MOXD1: variants seen among roughly 807,000 people sequenced by gnomAD.
MOXD1 encodes monooxygenase DBH like 1.
MOXD1 carries 62 observed loss-of-function variants against 66.6 expected under a neutral mutation model. The observed-to-expected ratio is 0.93, with a 90% CI of 0.76 to 1.15. The LOEUF (loss-of-function observed/expected upper bound fraction) is 1.15. Ranked by LOEUF, MOXD1 falls within the 50% of genes most tolerant of loss-of-function variation. MOXD1 has a pLI of 0.00. For missense variants in MOXD1, 847 were observed against 754.6 expected, an observed-to-expected ratio of 1.12 and a Z score of -1.44; for synonymous variants, 303 against 281.9, an observed-to-expected ratio of 1.07 and a Z score of -0.75.
chr6:132,342,060 A>T (rs1775574624), intron 4 of MOXD1, among the ~76,000 whole-genome samples: 1 of 151,950 alleles, frequency 6.6e-6, no homozygotes, highest in Non-Finnish European at 1.5e-5. Flanking sequence ...TGGAGTTCAG[A>T]GGTGTGATCT....
intron 4 of MOXD1, among the ~76,000 whole-genome samples, chr6:132,360,376 G>C (rs1042914912): frequency 4.6e-5 from 7 of 152,190 alleles, no homozygotes; most frequent in Non-Finnish European, 7.3e-5. Flanking sequence ...TATGAGGACT[G>C]ACAATCCCCA....
chr6:132,375,854 G>A (rs188798436), intron 1 of MOXD1, among the ~76,000 whole-genome samples: 13 of 152,274 alleles, frequency 8.5e-5, no homozygotes, highest in African/African-American at 3.1e-4. Context: ...AACTCTGAAA[G>A]CTTAAGTTTT....
intron 4 of MOXD1, among the ~76,000 whole-genome samples, chr6:132,334,195 C>T (rs146115888): frequency 2.3e-4 from 35 of 152,280 alleles, no homozygotes; most frequent in Admixed American, 3.9e-4. Context: ...CTACCCTTTC[C>T]ATGAAGCCAA....
At chr6:132,368,784 G>A (rs1427548433) in intron 4 of MOXD1, among the ~76,000 whole-genome samples, 1 of 151,966 alleles carries the variant, frequency 6.6e-6, no homozygotes, top group Non-Finnish European at 1.5e-5. Context: ...AATGTATGCA[G>A]TAGTCTTCCC....
chr6:132,374,887 C>T lies in MOXD1; in HGVS notation c.265-110G>A, dbSNP rs781093290. 1.1e-3 allele frequency: 1,284 copies of T among 1,129,960 alleles called. 1 individual carries two copies. The highest frequency in any genetic ancestry group is 1.5e-3 in the Non-Finnish European group (1,170 of 788,532). 70.0% of individuals were successfully genotyped at this position (1,129,960 alleles called of 1,614,324 possible). On this transcript the variant is annotated intron_variant, in intron 1 of 11. Transcript: ENST00000367963. ...TTGTCTAGAGTTATTTTATAAATCC[C>T]GGGAATTTCCAAGGGGCTGGAGTAT...
chr6:132,366,890 C>T (rs1348312107), intron 4 of MOXD1, among the ~76,000 whole-genome samples: 1 of 151,998 alleles, frequency 6.6e-6, no homozygotes, highest in Admixed American at 6.6e-5. Context: ...AATCTGGCTT[C>T]AAGGACATTC....
chr6:132,379,363 T>G (rs960332200), intron 1 of MOXD1, among the ~76,000 whole-genome samples: 3 of 152,156 alleles, frequency 2.0e-5, no homozygotes, highest in African/African-American at 7.2e-5. Flanking sequence ...TCTTCAACCC[T>G]TTAAAGGGCA....
intron 1 of MOXD1, among the ~76,000 whole-genome samples, chr6:132,394,485 C>A (rs1046295165): frequency 1.3e-5 from 2 of 151,862 alleles, no homozygotes; most frequent in Non-Finnish European, 2.9e-5. Context: ...TTAAGAAATA[C>A]CCCCCAAAAA....
At chr6:132,346,631 A>G (rs1388033771) in intron 4 of MOXD1, among the ~76,000 whole-genome samples, 2 of 152,236 alleles carry the variant, frequency 1.3e-5, no homozygotes, top group African/African-American at 2.4e-5. Flanking sequence ...TAATGAAAGC[A>G]GGAGAAATTT....
At chr6:132,312,551 A>G (rs1774852905) in intron 10 of MOXD1, among the ~76,000 whole-genome samples, 1 of 151,908 alleles carries the variant, frequency 6.6e-6, no homozygotes, top group Non-Finnish European at 1.5e-5. Flanking sequence ...TTTTGTGCTC[A>G]TATTTTTGAG....
At chr6:132,321,372 G>A (rs1775075845) in intron 8 of MOXD1, among the ~76,000 whole-genome samples, 1 of 152,072 alleles carries the variant, frequency 6.6e-6, no homozygotes. Context: ...GACATAGATA[G>A]TAGTTATTGT....
chr6:132,378,781 C>T lies in MOXD1; in HGVS notation c.265-4004G>A, dbSNP rs565551365. Among the ~76,000 whole-genome samples, 4 of 147,242 alleles carry T rather than the reference C, an allele frequency of 2.7e-5. No individual in the cohort carries two copies. The East Asian group carries it at 5.9e-4, about 22-fold the overall frequency. ...CCTAAGAAAATTCTAGGCCAAGATG[C>T]TTTCACTTGGAATTTTACCAAATAT... On this transcript the variant is annotated intron_variant, in intron 1 of 11. Transcript: ENST00000367963.
intron 10 of MOXD1, among the ~76,000 whole-genome samples, chr6:132,310,583 C>T (rs765346517): frequency 3.9e-5 from 6 of 152,140 alleles, no homozygotes; most frequent in Non-Finnish European, 7.3e-5. Flanking sequence ...ATAGCAAAGC[C>T]ATGGAACCAA....
chr6:132,331,496 C>CT lies in MOXD1; in HGVS notation c.664-2903dup, dbSNP rs566547605. On this transcript the variant is annotated intron_variant, in intron 4 of 11. Coordinates refer to ENST00000367963, the MANE Select transcript of MOXD1 (RefSeq NM_015529.4). ...TGAAAGAAACTTTTAAGAGCAAGTG[C>CT]TTTTTTTTTTGTCTTCATAGGAAGT... Among the ~76,000 whole-genome samples, 49 of 147,414 alleles carry CT rather than the reference C, an allele frequency of 3.3e-4. No individual in the cohort carries two copies. In the East Asian group the frequency reaches 4.9e-3, roughly 15 times the overall value.
intron 4 of MOXD1, among the ~76,000 whole-genome samples, chr6:132,335,768 A>G (rs1775423682): frequency 6.6e-6 from 1 of 152,192 alleles, no homozygotes; most frequent in African/African-American, 2.4e-5. Context: ...CACAAACTAA[A>G]AATTTGGAGA....
intron 4 of MOXD1, among the ~76,000 whole-genome samples, chr6:132,360,989 T>C (rs1776007716): frequency 6.6e-6 from 1 of 152,210 alleles, no homozygotes. Context: ...GGGAGCATTA[T>C]TAACAGTTAC....
intron 4 of MOXD1, among the ~76,000 whole-genome samples, chr6:132,369,569 A>T (rs1776223137): frequency 6.6e-6 from 1 of 151,864 alleles, no homozygotes; most frequent in African/African-American, 2.4e-5. Flanking sequence ...AGCTAGCATC[A>T]TTACTCTTGT....
At chr6:132,331,626 T>G (rs1402686644) in intron 4 of MOXD1, among the ~76,000 whole-genome samples, 1 of 152,202 alleles carries the variant, frequency 6.6e-6, no homozygotes, top group African/African-American at 2.4e-5. Flanking sequence ...TATGAATCAT[T>G]CTATGTATTT....
At chr6:132,337,688 C>T (rs1402398895) in intron 4 of MOXD1, among the ~76,000 whole-genome samples, 1 of 152,100 alleles carries the variant, frequency 6.6e-6, no homozygotes, top group Non-Finnish European at 1.5e-5. Flanking sequence ...CAAAACAGAA[C>T]ATTACTTTTA....
Sources: gnomAD v4.1 joint callset for allele counts (sites outside exome capture counted in the v4.1 genomes callset) on GRCh38, gnomAD v4.1.1 for gene constraint, MANE v1.5 for transcripts, NCBI Gene and HGNC (gene_info 2026-07-23, HGNC 2026-07-21) for gene names.